The following PCDHGA2 variants were observed in gnomAD, a reference collection of about 807,000 sequenced individuals.
The protein encoded by PCDHGA2 is protocadherin gamma subfamily A, 2, also known as protocadherin gamma-A2.
PCDHGA2 carries 40 observed loss-of-function variants against 59.2 expected under a neutral mutation model. That is an observed-to-expected ratio of 0.68 (90% CI 0.52 to 0.88). The LOEUF (loss-of-function observed/expected upper bound fraction) is 0.88, where lower values mean the gene tolerates loss of function less well. Among genes scored for constraint, PCDHGA2 ranks in the 40% least tolerant of loss-of-function variants. The pLI, the probability that PCDHGA2 is intolerant of heterozygous loss-of-function variation, is 0.00. For synonymous variants in PCDHGA2, 560 were observed against 526.0 expected (o/e 1.06, Z -0.89); for missense variants, 1,226 against 1,204.0 (o/e 1.02, Z -0.27).
At chr5:141,466,754 C>T (rs1045917268) in intron 1 of PCDHGA2, among the ~76,000 whole-genome samples, 1 of 152,138 alleles carries the variant, frequency 6.6e-6, no homozygotes, top group African/African-American at 2.4e-5. Context: ...GATAGGGGCT[C>T]TTTTCAAACT....
At chr5:141,480,726 G>A (rs2099524533) in intron 1 of PCDHGA2, among the ~76,000 whole-genome samples, 1 of 152,138 alleles carries the variant, frequency 6.6e-6, no homozygotes, top group Non-Finnish European at 1.5e-5. Context: ...CACAGTCTCT[G>A]GGGGTGGGAC....
At chr5:141,417,832 G>C in intron 1 of PCDHGA2, 1 of 1,528,846 alleles carries the variant, frequency 6.5e-7, no homozygotes. Flanking sequence ...CTGGAAAAGC[G>C]GGGACCCAGC....
At chr5:141,499,168 C>T (rs1169979036) in intron 2 of PCDHGA2, among the ~76,000 whole-genome samples, 3 of 152,184 alleles carry the variant, frequency 2.0e-5, no homozygotes, top group African/African-American at 7.2e-5. Context: ...GTCTCAAGCT[C>T]TGAGCCCAGC....
intron 1 of PCDHGA2, chr5:141,360,147 C>A: frequency 6.2e-7 from 1 of 1,601,092 alleles, no homozygotes; most frequent in Non-Finnish European, 8.5e-7. Flanking sequence ...TGAAAGCGAG[C>A]TCAGGGAGGT....
chr5:141,487,109 G>A lies in PCDHGA2; in HGVS notation c.2425-7698G>A. 2 of 1,614,122 alleles carry A rather than the reference G, an allele frequency of 1.2e-6. No homozygotes were observed. Among genetic ancestry groups the A allele is most frequent in the Non-Finnish European group, 1.7e-6 (2 of 1,180,004 alleles). ...CCTCCCACCACAGAAGCTGGTCATTGTGGTAAAGGATAGTGGTAGTCCACC... is the reference window on the plus strand; with the variant it reads ...CCTCCCACCACAGAAGCTGGTCATTATGGTAAAGGATAGTGGTAGTCCACC... On this transcript the variant is annotated intron_variant, in intron 1 of 3. Transcript: ENST00000394576. This position sits in a 1 kb window ranked among gnomAD's most constrained non-coding sequence, Gnocchi z 5.0.
In PCDHGA2 at chr5:141,404,090, G is replaced by T. The variant is rs1014506897; in HGVS notation, c.2424+62695G>T. On this transcript the variant is annotated intron_variant, in intron 1 of 3. Transcript: ENST00000394576. ...TCATGACCGAGACTCCGGGAAGAATGGTCAAGTTGTCTGTTCTATCCAGGA... is the reference window on the plus strand; with the variant it reads ...TCATGACCGAGACTCCGGGAAGAATTGTCAAGTTGTCTGTTCTATCCAGGA... 4 of 1,613,262 alleles carry T rather than the reference G, an allele frequency of 2.5e-6. No homozygotes were observed. In the Admixed American group the frequency reaches 6.7e-5, roughly 27 times the overall value.
At chr5:141,408,857 G>A (rs372861749) in intron 1 of PCDHGA2, 4 of 1,613,542 alleles carry the variant, frequency 2.5e-6, no homozygotes, top group Non-Finnish European at 3.4e-6. Flanking sequence ...GGACGGAGGG[G>A]ACCCACCAAG....
chr5:141,374,130 T>C, intron 1 of PCDHGA2: 3 of 1,604,204 alleles, frequency 1.9e-6, no homozygotes, highest in Non-Finnish European at 1.7e-6. Flanking sequence ...CAGGTCCTGC[T>C]CCTCACGCTC....
At position 141,486,923 on chromosome 5, in the gene PCDHGA2, G is replaced by A. The variant is rs1377159895; in HGVS notation, c.2425-7884G>A. ...ATGTCCCCAAGCACTGCCTCCATCAGTTGGTGCTGGCCACCTAATCACAAA... is the reference window on the plus strand; with the variant it reads ...ATGTCCCCAAGCACTGCCTCCATCAATTGGTGCTGGCCACCTAATCACAAA... On this transcript the variant is annotated intron_variant, in intron 1 of 3. Transcript: ENST00000394576. This position sits in a 1 kb window ranked among gnomAD's most constrained non-coding sequence, Gnocchi z 5.0. 6.2e-7 allele frequency: 1 copy of A among 1,614,252 alleles called. No individual in the cohort carries two copies. Among genetic ancestry groups the A allele is most frequent in the Admixed American group, 1.7e-5 (1 of 60,028 alleles).
chr5:141,359,661 A>C (rs545644019), intron 1 of PCDHGA2, among the ~76,000 whole-genome samples: 22 of 152,200 alleles, frequency 1.4e-4, no homozygotes, highest in African/African-American at 4.6e-4. Flanking sequence ...GAATATTTAT[A>C]AAAATCCGTT....
intron 1 of PCDHGA2, chr5:141,428,048 G>A: frequency 6.2e-7 from 1 of 1,608,900 alleles, no homozygotes; most frequent in Admixed American, 1.7e-5. Context: ...TGGTGACCAA[G>A]GTGGTGGCGG....
At chr5:141,478,468 C>A (rs2099457906) in intron 1 of PCDHGA2, 2 of 1,613,800 alleles carry the variant, frequency 1.2e-6, no homozygotes, top group Admixed American at 1.7e-5. Flanking sequence ...CACTGGCCAG[C>A]CGCCAGAACA....
rs1220461010 is a variant in PCDHGA2, at chr5:141,339,457, A to G, written c.486A>G (p.Val162=). The G allele has an allele frequency of 6.8e-6, 11 of 1,614,136 alleles. No individual in the cohort carries two copies. The highest frequency in any genetic ancestry group is 9.3e-6 in the Non-Finnish European group (11 of 1,180,056). ...TTAAGAATGCGCATGATGCAGACGT[A>G]GGTGAGAACGCCCTTCAGAAGTACG... The part of the protein sequence containing the change: ...IPLKNAHDAD[V]GENALQKYAL... The change falls in exon 1 of 4, where the codon GTA becomes GTG. Residue 162 remains valine, a synonymous_variant. Transcript: ENST00000394576.
At chr5:141,414,186 G>C in intron 1 of PCDHGA2, 1 of 1,609,824 alleles carries the variant, frequency 6.2e-7, no homozygotes, top group Non-Finnish European at 8.5e-7. Context: ...CTGCAAAAGT[G>C]TTGATTACAG....
rs1756944639 is a variant in PCDHGA2 at position 141,340,428 on chromosome 5, A to G, written c.1457A>G (p.His486Arg). 1.9e-6 allele frequency: 3 copies of G among 1,614,184 alleles called. No individual in the cohort carries two copies. The highest frequency in any genetic ancestry group is 1.3e-5 in the African/African-American group (1 of 75,042). ...AHDPDSNDNA[H>R]VTYSFAEDTV... ...GACCCCGACAGCAACGACAATGCTC[A>G]TGTAACTTACTCTTTCGCGGAGGAC... Residue 486 changes from histidine (H) to arginine (R), a missense_variant, in exon 1 of 4, where the codon CAT becomes CGT. His to Arg is a conservative substitution (Grantham distance 29). Transcript: ENST00000394576.
chr5:141,346,942 A>G (rs1757831150), intron 1 of PCDHGA2, among the ~76,000 whole-genome samples: 1 of 152,236 alleles, frequency 6.6e-6, no homozygotes, highest in Non-Finnish European at 1.5e-5. Context: ...TTTTATGCCC[A>G]TGAAATTAAA....
intron 1 of PCDHGA2, chr5:141,440,995 C>G (rs1425894086): frequency 6.6e-6 from 1 of 152,154 alleles, no homozygotes; most frequent in Non-Finnish European, 1.5e-5. Context: ...GTACCCATAT[C>G]TAGTTTGGCC....
chr5:141,490,143 A>G lies in PCDHGA2; in HGVS notation c.2425-4664A>G. On this transcript the variant is annotated intron_variant, in intron 1 of 3. Transcript: ENST00000394576. The surrounding 1 kb of genome is among the most constrained non-coding windows in gnomAD (Gnocchi z 5.4). ...TTGGCCTAGACCCTAGCAGTGGGGC[A>G]ATCCATGTGTTGGGTCCCATAGACT... is the stretch of plus-strand genomic sequence containing the variant. 1 of 1,614,234 alleles carries G rather than the reference A, an allele frequency of 6.2e-7. No homozygotes were observed. The highest frequency in any genetic ancestry group is 8.5e-7 in the Non-Finnish European group (1 of 1,180,034).
intron 1 of PCDHGA2, chr5:141,378,481 C>A (rs975283855): frequency 6.6e-6 from 1 of 152,178 alleles, no homozygotes; most frequent in East Asian, 1.9e-4. Flanking sequence ...CAAGATCGTG[C>A]CACTGCACTC....
Sources: allele counts gnomAD v4.1 joint callset (sites outside exome capture counted in the v4.1 genomes callset), GRCh38; gene constraint gnomAD v4.1.1; non-coding constraint Gnocchi (gnomAD v3.1); transcripts MANE v1.5; gene names NCBI Gene and HGNC (gene_info 2026-07-23, HGNC 2026-07-21).